DSCAM: variants seen among roughly 807,000 people sequenced by gnomAD.
The protein encoded by DSCAM is DS cell adhesion molecule.
In DSCAM, 47 loss-of-function variants were observed where a neutral mutation model predicts 217.7. The observed-to-expected ratio is 0.22, with a 90% CI of 0.17 to 0.28. The LOEUF is 0.28. DSCAM is among the 10% of genes least tolerant of loss of function. The pLI is 1.00. For synonymous variants in DSCAM, 1,056 were observed against 1,015.3 expected, an observed-to-expected ratio of 1.04 and a Z score of -0.76; for missense variants, 2,080 against 2,618.3, an observed-to-expected ratio of 0.79 and a Z score of 4.49.
chr21:40,659,030 G>A (rs1020185768), intron 3 of DSCAM, among the ~76,000 whole-genome samples: 1 of 152,104 alleles, frequency 6.6e-6, no homozygotes, highest in African/African-American at 2.4e-5. Context: ...TGCTTCTTTG[G>A]AAGAGGGGAG....
chr21:40,535,367 G>A (rs1263736601), intron 3 of DSCAM, among the ~76,000 whole-genome samples: 3 of 152,174 alleles, frequency 2.0e-5, no homozygotes, highest in African/African-American at 7.2e-5. Flanking sequence ...GTTAGGGTGT[G>A]GTTTAAATGT....
intron 10 of DSCAM, among the ~76,000 whole-genome samples, chr21:40,280,256 G>A (rs1023950223): frequency 7.2e-6 from 1 of 138,724 alleles, no homozygotes. Flanking sequence ...ATCATAGCTC[G>A]CTGTGGCCTC....
chr21:40,165,739 T>G (rs993035391), intron 16 of DSCAM, among the ~76,000 whole-genome samples: 3 of 152,196 alleles, frequency 2.0e-5, no homozygotes, highest in Non-Finnish European at 4.4e-5. Context: ...CAGTAATACC[T>G]GGTCTTTTTC....
intron 11 of DSCAM, among the ~76,000 whole-genome samples, chr21:40,268,559 A>T (rs1046159899): frequency 6.6e-6 from 1 of 151,942 alleles, no homozygotes; most frequent in Non-Finnish European, 1.5e-5. Context: ...AAATAATAAC[A>T]TTTTAGTTGC....
chr21:40,434,565 A>G (rs1253820878), intron 3 of DSCAM, among the ~76,000 whole-genome samples: 3 of 152,132 alleles, frequency 2.0e-5, no homozygotes, highest in African/African-American at 7.2e-5. Flanking sequence ...GCTTCTCATA[A>G]TGGTGCATTA....
chr21:40,481,134 T>C (rs1214634114), intron 3 of DSCAM, among the ~76,000 whole-genome samples: 1 of 152,102 alleles, frequency 6.6e-6, no homozygotes, highest in Non-Finnish European at 1.5e-5. Context: ...ATTTCAAAAC[T>C]ATTAAATTCA....
chr21:40,690,160 A>G (rs1031911836), intron 3 of DSCAM, among the ~76,000 whole-genome samples: 1 of 152,216 alleles, frequency 6.6e-6, no homozygotes, highest in Non-Finnish European at 1.5e-5. Flanking sequence ...GTTTTAAACC[A>G]TGCGTCACCT....
intron 19 of DSCAM, among the ~76,000 whole-genome samples, chr21:40,133,044 T>C (rs2090169853): frequency 6.6e-6 from 1 of 152,214 alleles, no homozygotes; most frequent in African/African-American, 2.4e-5. Flanking sequence ...TGTATACTTC[T>C]GTGCTGGAAT....
chr21:40,464,441 TC>T (rs2075828414), intron 3 of DSCAM, among the ~76,000 whole-genome samples: 1 of 152,134 alleles, frequency 6.6e-6, no homozygotes, highest in Non-Finnish European at 1.5e-5. Context: ...AATGTAAGGT[TC>T]CCAAAGCTGA....
At chr21:40,491,671 C>T (rs2076077237) in intron 3 of DSCAM, among the ~76,000 whole-genome samples, 1 of 152,172 alleles carries the variant, frequency 6.6e-6, no homozygotes, top group South Asian at 2.1e-4. Context: ...TCAACCCAGG[C>T]ACACTGGCCT....
At chr21:40,164,407 G>A (rs2090572092) in intron 16 of DSCAM, among the ~76,000 whole-genome samples, 1 of 152,170 alleles carries the variant, frequency 6.6e-6, no homozygotes, top group African/African-American at 2.4e-5. Context: ...TGCTGCAGCT[G>A]ATGTAGGATG....
chr21:40,401,837 TG>T (rs940828464), intron 3 of DSCAM, among the ~76,000 whole-genome samples: 1 of 151,852 alleles, frequency 6.6e-6, no homozygotes, highest in Non-Finnish European at 1.5e-5. Flanking sequence ...GCTGCTGACC[TG>T]GAGACCTGCC....
At chr21:40,761,316 A>G (rs112124600) in intron 1 of DSCAM, among the ~76,000 whole-genome samples, 1 of 152,130 alleles carries the variant, frequency 6.6e-6, no homozygotes, top group Non-Finnish European at 1.5e-5. Context: ...TCTAGAATCT[A>G]CATGTATTTC....
intron 9 of DSCAM, among the ~76,000 whole-genome samples, chr21:40,311,572 A>G (rs2074137772): frequency 1.3e-5 from 2 of 152,238 alleles, no homozygotes; most frequent in South Asian, 4.1e-4. Context: ...AAATAATGAT[A>G]GATTTAATGC....
At position 40,166,069 on chromosome 21, in the gene DSCAM, G is replaced by T. The variant is rs1010585085; in HGVS notation, c.3018+1149C>A. Among the ~76,000 whole-genome samples, 5 of 152,102 alleles carry T rather than the reference G, an allele frequency of 3.3e-5. No homozygotes were observed. The South Asian group carries it at 8.3e-4, about 25-fold the overall frequency. On this transcript the variant is annotated intron_variant, in intron 16 of 32. Coordinates refer to ENST00000400454, the MANE Select transcript of DSCAM (RefSeq NM_001389.5). Reference sequence around the variant, plus strand: ...ACACAAAGGGGCTCGCTGCATTAACGCCCGTAATACCAAAGGTGGTATCCG... The same window carrying T: ...ACACAAAGGGGCTCGCTGCATTAACTCCCGTAATACCAAAGGTGGTATCCG...
intron 3 of DSCAM, among the ~76,000 whole-genome samples, chr21:40,649,982 C>A (rs1440452465): frequency 6.6e-6 from 1 of 152,196 alleles, no homozygotes; most frequent in African/African-American, 2.4e-5. Context: ...GTGCTCCACA[C>A]TCTCTGTGAG....
At chr21:40,772,863 T>C (rs1431345528) in intron 1 of DSCAM, among the ~76,000 whole-genome samples, 1 of 152,208 alleles carries the variant, frequency 6.6e-6, no homozygotes, top group Non-Finnish European at 1.5e-5. Flanking sequence ...GAAATAACGA[T>C]TGCCATAATC....
rs1568953768 is a variant in DSCAM, at chr21:40,637,228, TATATATAA to T, written c.508+55574_508+55581del. On this transcript the variant is annotated intron_variant, in intron 3 of 32. Coordinates refer to ENST00000400454, the MANE Select transcript of DSCAM (RefSeq NM_001389.5). ...ATAAATATATATAAATATAAATATA[TATATATAA>T]ATATAAATATATATATAAATATATA... Among the ~76,000 whole-genome samples the T allele has an allele frequency of 2.3e-3, 13 of 5,752 alleles. 4 individuals are homozygous for T. The highest frequency in any genetic ancestry group is 8.5e-3 in the Admixed American group (2 of 234). The allele number at this position is 5,752 out of a possible 152,430, so 3.8% of individuals were successfully genotyped here.
intron 1 of DSCAM, among the ~76,000 whole-genome samples, chr21:40,820,119 C>T (rs565203688): frequency 3.9e-5 from 6 of 152,202 alleles, no homozygotes; most frequent in African/African-American, 1.4e-4. Context: ...GGTATATACC[C>T]AGAGGGTTAT....
Sources: allele counts gnomAD v4.1 joint callset (sites outside exome capture counted in the v4.1 genomes callset), GRCh38; gene constraint gnomAD v4.1.1; transcripts MANE v1.5; gene names NCBI Gene and HGNC (gene_info 2026-07-23, HGNC 2026-07-21).